Variants in TRHDE observed in about 807,000 individuals in gnomAD.
TRHDE encodes thyrotropin releasing hormone degrading enzyme, also known as thyrotropin-releasing hormone-degrading ectoenzyme.
In TRHDE, 72 loss-of-function variants were observed where a neutral mutation model predicts 125.7. The ratio of observed to expected loss-of-function variants is 0.57; its 90% CI spans 0.47 to 0.70. The LOEUF (loss-of-function observed/expected upper bound fraction) is 0.70. TRHDE is among the 30% of genes least tolerant of loss of function. The pLI, the probability that TRHDE is intolerant of heterozygous loss-of-function variation, is 0.00. For missense variants in TRHDE, 1,110 were observed against 1,327.1 expected (o/e 0.84, Z 2.54); for synonymous variants, 509 against 509.1 (o/e 1.00, Z 0.00).
At chr12:72,166,680 G>A (rs1216421516) in intron 2 of TRHDE, among the ~76,000 whole-genome samples, 2 of 152,098 alleles carry the variant, frequency 1.3e-5, no homozygotes, top group East Asian at 3.9e-4. Context: ...GACTGGATGG[G>A]AAGTTTCATA....
intron 18 of TRHDE, among the ~76,000 whole-genome samples, chr12:72,657,526 T>C (rs1411495523): frequency 6.6e-6 from 1 of 152,206 alleles, no homozygotes; most frequent in African/African-American, 2.4e-5. Context: ...GCATATCTGG[T>C]AATACATATT....
At chr12:72,233,829 T>A (rs1259210918) in intron 2 of TRHDE, among the ~76,000 whole-genome samples, 3 of 152,176 alleles carry the variant, frequency 2.0e-5, no homozygotes, top group Non-Finnish European at 2.9e-5. Flanking sequence ...AAGATTCCAC[T>A]TTTTTCCCAA....
chr12:72,111,512 A>T (rs1250846352), intron 2 of TRHDE, among the ~76,000 whole-genome samples: 1 of 152,184 alleles, frequency 6.6e-6, no homozygotes, highest in East Asian at 1.9e-4. Flanking sequence ...ATGAAAGAAC[A>T]ATTTGACAAT....
chr12:72,403,845 A>G (rs1436943922), intron 3 of TRHDE, among the ~76,000 whole-genome samples: 1 of 152,184 alleles, frequency 6.6e-6, no homozygotes, highest in Non-Finnish European at 1.5e-5. Context: ...ACCAGGTCAG[A>G]TTATGGGGGC....
chr12:72,658,458 T>G (rs970951261), intron 18 of TRHDE, among the ~76,000 whole-genome samples: 2 of 152,138 alleles, frequency 1.3e-5, no homozygotes, highest in Admixed American at 1.3e-4. Flanking sequence ...GCTTCTCTCC[T>G]TCTCTTTTAT....
chr12:72,131,232 C>G lies in TRHDE; in HGVS notation n.279+25480C>G, dbSNP rs1042407900. Among the ~76,000 whole-genome samples, 9 of 151,810 alleles carry G rather than the reference C, an allele frequency of 5.9e-5. No homozygotes were observed. The East Asian group carries it at 1.7e-3, about 30-fold the overall frequency. On this transcript the variant is annotated intron_variant and non_coding_transcript_variant, in intron 2 of 4. Coordinates refer to the TRHDE transcript ENST00000548156. ...GACTACAGGCGCCCGCCACCACGCC[C>G]GGCTAATTTTTTTGTAGTTTTAGTA...
chr12:72,414,796 C>T (rs562065091), intron 3 of TRHDE, among the ~76,000 whole-genome samples: 1 of 152,254 alleles, frequency 6.6e-6, no homozygotes, highest in South Asian at 2.1e-4. Flanking sequence ...TATTCATTTA[C>T]TGCTCTTTGT....
intron 2 of TRHDE, among the ~76,000 whole-genome samples, chr12:72,113,882 C>T (rs1404307847): frequency 6.6e-6 from 1 of 152,108 alleles, no homozygotes; most frequent in Non-Finnish European, 1.5e-5. Flanking sequence ...TCTTATTCAT[C>T]ATAGTGCTTA....
At chr12:72,252,497 T>C (rs1206200081) in intron 2 of TRHDE, among the ~76,000 whole-genome samples, 3 of 152,116 alleles carry the variant, frequency 2.0e-5, no homozygotes, top group African/African-American at 7.2e-5. Context: ...GTTCCATTGA[T>C]CTGAGTCCAT....
chr12:72,535,787 T>A (rs577050583), intron 6 of TRHDE, among the ~76,000 whole-genome samples: 1 of 152,274 alleles, frequency 6.6e-6, no homozygotes, highest in African/African-American at 2.4e-5. Flanking sequence ...GGAACAAATC[T>A]TGTTAGAACA....
chr12:72,218,045 A>T (rs1260975135), intron 2 of TRHDE, among the ~76,000 whole-genome samples: 1 of 152,156 alleles, frequency 6.6e-6, no homozygotes, highest in Non-Finnish European at 1.5e-5. Context: ...CTTGAATTTT[A>T]CTTTCATTCA....
intron 7 of TRHDE, among the ~76,000 whole-genome samples, chr12:72,543,391 T>C (rs1237107400): frequency 1.3e-5 from 2 of 151,514 alleles, no homozygotes; most frequent in African/African-American, 4.8e-5. Context: ...CCAGCAGGGT[T>C]TGAAATTTAC....
chr12:72,370,825 C>A (rs529405149), intron 2 of TRHDE, among the ~76,000 whole-genome samples: 1 of 152,032 alleles, frequency 6.6e-6, no homozygotes, highest in Admixed American at 6.5e-5. Context: ...TCACTGCAAC[C>A]TCTGCCTGCA....
At chr12:72,149,784 G>A (rs1202887419) in intron 2 of TRHDE, among the ~76,000 whole-genome samples, 2 of 151,966 alleles carry the variant, frequency 1.3e-5, no homozygotes, top group South Asian at 4.2e-4. Context: ...CTAAAATTGG[G>A]TGAAAAGAAA....
At chr12:72,503,394 T>G (rs1302942593) in intron 6 of TRHDE, among the ~76,000 whole-genome samples, 1 of 152,256 alleles carries the variant, frequency 6.6e-6, no homozygotes, top group African/African-American at 2.4e-5. Flanking sequence ...TATTCCAAAA[T>G]CATTTGATAA....
At chr12:72,512,595 AATC>A (rs1445906317) in intron 6 of TRHDE, among the ~76,000 whole-genome samples, 1 of 142,102 alleles carries the variant, frequency 7.0e-6, no homozygotes, top group African/African-American at 2.6e-5. Context: ...AATCATATAT[AATC>A]ATATATATAA....
At chr12:72,382,329 G>C (rs1201288983) in intron 3 of TRHDE, among the ~76,000 whole-genome samples, 1 of 152,050 alleles carries the variant, frequency 6.6e-6, no homozygotes, top group African/African-American at 2.4e-5. Flanking sequence ...AATGGGCATG[G>C]GGTTGGGGAG....
At chr12:72,472,835 T>C (rs1220457655) in intron 4 of TRHDE, among the ~76,000 whole-genome samples, 2 of 152,196 alleles carry the variant, frequency 1.3e-5, no homozygotes, top group Non-Finnish European at 2.9e-5. Flanking sequence ...TCTTTTGTGT[T>C]CATTGATTAT....
At chr12:72,239,366 G>C (rs1878429562) in intron 2 of TRHDE, among the ~76,000 whole-genome samples, 1 of 151,888 alleles carries the variant, frequency 6.6e-6, no homozygotes, top group African/African-American at 2.4e-5. Flanking sequence ...AGTTTCTTTT[G>C]CTGTGCTGAA....
Sources: gnomAD v4.1 joint callset for allele counts (sites outside exome capture counted in the v4.1 genomes callset) on GRCh38, gnomAD v4.1.1 for gene constraint, MANE v1.5 for transcripts, NCBI Gene and HGNC (gene_info 2026-07-23, HGNC 2026-07-21) for gene names.